EYA3: variants seen among roughly 807,000 people sequenced by gnomAD.
The protein encoded by EYA3 is protein phosphatase EYA3.
A neutral mutation model predicts 80.0 loss-of-function variants in EYA3; 39 were observed. The ratio of observed to expected loss-of-function variants is 0.49; its 90% CI spans 0.38 to 0.64. The LOEUF (loss-of-function observed/expected upper bound fraction) is 0.64. Ranked by LOEUF, EYA3 falls within the 30% of genes least tolerant of loss-of-function variation. The probability of loss-of-function intolerance (pLI) is 0.00; values close to 1 mark genes in which losing one functional copy is unlikely to be tolerated. For synonymous variants in EYA3, 206 were observed against 232.8 expected (o/e 0.88, Z 1.05); for missense variants, 523 against 676.1 (o/e 0.77, Z 2.51).
intron 15 of EYA3, among the ~76,000 whole-genome samples, chr1:27,989,448 T>G (rs1215385338): frequency 6.6e-6 from 1 of 152,146 alleles, no homozygotes; most frequent in Non-Finnish European, 1.5e-5. Context: ...GGTTACTGAG[T>G]TTTAATTTCG....
intron 1 of EYA3, among the ~76,000 whole-genome samples, chr1:28,078,830 T>G (rs1175940695): frequency 1.3e-5 from 2 of 152,188 alleles, no homozygotes; most frequent in Non-Finnish European, 2.9e-5. Flanking sequence ...GCTATACACA[T>G]AGTAAGTCAC....
intron 1 of EYA3, among the ~76,000 whole-genome samples, chr1:28,063,054 A>T (rs1644693755): frequency 6.6e-6 from 1 of 151,060 alleles, no homozygotes; most frequent in Admixed American, 6.6e-5. Context: ...ATTGTTTTCC[A>T]TGAAAACAAG....
intron 10 of EYA3, among the ~76,000 whole-genome samples, chr1:28,006,019 C>T (rs1641244072): frequency 6.6e-6 from 1 of 151,738 alleles, no homozygotes; most frequent in Non-Finnish European, 1.5e-5. Context: ...GCAGGAGAAT[C>T]ACTTGAACCC....
At chr1:28,061,659 G>A (rs1644632030) in intron 1 of EYA3, among the ~76,000 whole-genome samples, 1 of 151,942 alleles carries the variant, frequency 6.6e-6, no homozygotes, top group South Asian at 2.1e-4. Context: ...GAGTGCAGTG[G>A]CGCGATCTCA....
chr1:28,030,553 C>T (rs1161187282), intron 6 of EYA3, among the ~76,000 whole-genome samples: 1 of 152,192 alleles, frequency 6.6e-6, no homozygotes, highest in African/African-American at 2.4e-5. Context: ...TCCCAAAGTG[C>T]TGGGATTATA....
intron 16 of EYA3, among the ~76,000 whole-genome samples, chr1:27,984,538 A>G (rs1323657861): frequency 1.3e-5 from 2 of 152,178 alleles, no homozygotes; most frequent in Non-Finnish European, 2.9e-5. Flanking sequence ...ATTTTTGCAT[A>G]TAACATAAAG....
In EYA3 at chr1:28,042,603, C is replaced by T; in HGVS notation, c.125G>A (p.Ser42Asn). Residue 42 changes from serine to asparagine, a missense_variant, in exon 4 of 18, where the codon AGC (serine) becomes AAC (asparagine). By Grantham distance (46) the Ser-to-Asn change is conservative. Around this residue, in one of 2 missense-constraint regions of EYA3, gnomAD observed 304 missense variants for 343.3 expected, o/e 0.89. Transcript: ENST00000373871. ...TGACATGGGAAGGTTTGAAGCAAGG[C>T]TTGATGTTTCAGGCTTCTGATCACT... The part of the protein sequence containing the change: ...DVSDQKPETS[S>N]LASNLPMSEE... 4.3e-6 allele frequency: 7 copies of T among 1,614,162 alleles called. No homozygotes were observed. The highest frequency in any genetic ancestry group is 5.9e-6 in the Non-Finnish European group (7 of 1,179,994).
At chr1:28,010,673 T>C in intron 10 of EYA3, 1 of 325,130 alleles carries the variant, frequency 3.1e-6, no homozygotes, top group Non-Finnish European at 5.6e-6. Flanking sequence ...ACCTGACCCT[T>C]TTAAAATTTT....
At chr1:27,997,171 G>T in intron 13 of EYA3, 149 bp downstream of exon 13, 2 of 710,426 alleles carry the variant, frequency 2.8e-6, no homozygotes, top group East Asian at 2.6e-5. Context: ...TATACATCAC[G>T]GTTAACTATG....
intron 2 of EYA3, among the ~76,000 whole-genome samples, chr1:28,053,438 T>A (rs1026403845): frequency 1.3e-5 from 2 of 152,200 alleles, no homozygotes; most frequent in African/African-American, 2.4e-5. Flanking sequence ...CTACAATGTA[T>A]AATCACACTT....
chr1:28,009,735 T>C lies in EYA3; in HGVS notation c.909+1212A>G, dbSNP rs1387602762. Among the ~76,000 whole-genome samples the C allele has an allele frequency of 6.6e-6, 1 of 152,280 alleles. No homozygotes were observed. Among genetic ancestry groups the C allele is most frequent in the East Asian group, 1.9e-4 (1 of 5,188 alleles). ...TACATTTTCTGTGATTCCACTTATA[T>C]GAGATATCTAGAATAAGAAGTCAAA... On this transcript the variant is annotated intron_variant, in intron 10 of 17. Coordinates refer to ENST00000373871, the MANE Select transcript of EYA3 (RefSeq NM_001990.4). This position sits in a 1 kb window ranked among gnomAD's most constrained non-coding sequence, Gnocchi z 4.8.
At position 28,009,598 on chromosome 1, in the gene EYA3, C is replaced by T. The variant is rs527398865; in HGVS notation, c.909+1349G>A. ...CCGGGAGGCAGAGGTCACGGTAAGC[C>T]GAGATCGTGCCACTGCACTCCAGCC... is the stretch of plus-strand genomic sequence containing the variant. On this transcript the variant is annotated intron_variant, in intron 10 of 17. Coordinates refer to ENST00000373871, the MANE Select transcript of EYA3 (RefSeq NM_001990.4). The surrounding 1 kb of genome is among the most constrained non-coding windows in gnomAD (Gnocchi z 4.8). 1.1e-4 allele frequency among the ~76,000 whole-genome samples: 16 copies of T among 152,062 alleles called. No homozygotes were observed. The highest frequency in any genetic ancestry group is 3.4e-3 in the Middle Eastern group (1 of 294).
At chr1:28,007,421 G>A (rs1641368195) in intron 10 of EYA3, among the ~76,000 whole-genome samples, 2 of 146,008 alleles carry the variant, frequency 1.4e-5, no homozygotes, top group Admixed American at 7.1e-5. Flanking sequence ...TGCAACCTCC[G>A]CCTCCCAGGT....
chr1:28,003,257 G>A (rs1292076141), intron 11 of EYA3, among the ~76,000 whole-genome samples: 3 of 148,290 alleles, frequency 2.0e-5, no homozygotes, highest in Middle Eastern at 3.4e-3. Flanking sequence ...GTGACACAGC[G>A]AGACTCCGTC....
intron 17 of EYA3, chr1:27,977,232 T>C (rs751272175): frequency 1.3e-6 from 2 of 1,530,804 alleles, no homozygotes; most frequent in South Asian, 2.5e-5. Context: ...AATTGCTACA[T>C]AAAGTGACAA....
chr1:27,974,762 CA>C (rs1638856526), intron 17 of EYA3, among the ~76,000 whole-genome samples: 1 of 152,292 alleles, frequency 6.6e-6, no homozygotes, highest in Non-Finnish European at 1.5e-5. Flanking sequence ...AAATAGGTTT[CA>C]GTGGTACTTT....
At chr1:28,053,487 C>T (rs1479325184) in intron 2 of EYA3, among the ~76,000 whole-genome samples, 1 of 152,108 alleles carries the variant, frequency 6.6e-6, no homozygotes, top group Non-Finnish European at 1.5e-5. Context: ...ACCCAGTATA[C>T]AAATTCAGAA....
intron 5 of EYA3, among the ~76,000 whole-genome samples, chr1:28,037,462 G>C (rs1488466635): frequency 1.3e-5 from 2 of 152,206 alleles, no homozygotes; most frequent in Non-Finnish European, 2.9e-5. Flanking sequence ...GCTCAGGTTA[G>C]AGTTGTTACT....
intron 1 of EYA3, among the ~76,000 whole-genome samples, chr1:28,064,386 A>C (rs1394973317): frequency 6.7e-6 from 1 of 150,144 alleles, no homozygotes; most frequent in Non-Finnish European, 1.5e-5. Context: ...CTCTATATAT[A>C]TATATATAAA....
Sources: allele counts gnomAD v4.1 joint callset (sites outside exome capture counted in the v4.1 genomes callset), GRCh38; gene constraint gnomAD v4.1.1; regional missense constraint gnomAD v4.1.1; non-coding constraint Gnocchi (gnomAD v3.1); transcripts MANE v1.5; gene names NCBI Gene and HGNC (gene_info 2026-07-23, HGNC 2026-07-21).